ANO2: variants seen among roughly 807,000 people sequenced by gnomAD.
ANO2 encodes anoctamin 2.
ANO2 carries 101 observed loss-of-function variants against 124.2 expected under a neutral mutation model. The ratio of observed to expected loss-of-function variants is 0.81; its 90% CI spans 0.69 to 0.96. The LOEUF (loss-of-function observed/expected upper bound fraction) is 0.96, where lower values mean the gene tolerates loss of function less well. Among genes scored for constraint, ANO2 ranks in the 40% least tolerant of loss-of-function variants. The pLI, the probability that ANO2 is intolerant of heterozygous loss-of-function variation, is 0.00. For synonymous variants in ANO2, 486 were observed against 482.5 expected (o/e 1.01, Z -0.09); for missense variants, 1,293 against 1,274.5 (o/e 1.01, Z -0.22).
intron 15 of ANO2, among the ~76,000 whole-genome samples, chr12:5,645,898 T>C (rs754358347): frequency 1.3e-5 from 2 of 152,248 alleles, no homozygotes; most frequent in Non-Finnish European, 2.9e-5. Context: ...GATCCTCTTA[T>C]GTGGTGACCC....
chr12:5,587,446 T>A (rs894845043), intron 20 of ANO2, among the ~76,000 whole-genome samples: 3 of 152,332 alleles, frequency 2.0e-5, no homozygotes, highest in South Asian at 4.1e-4. Flanking sequence ...CCAGAGAACT[T>A]AAGCTTGCAG....
intron 11 of ANO2, among the ~76,000 whole-genome samples, chr12:5,745,618 G>C (rs1057165778): frequency 6.6e-6 from 1 of 152,132 alleles, no homozygotes; most frequent in African/African-American, 2.4e-5. Flanking sequence ...ATTTACTGAG[G>C]GCTGCCACTT....
chr12:5,704,173 G>A (rs879526429), intron 14 of ANO2, among the ~76,000 whole-genome samples: 7 of 152,176 alleles, frequency 4.6e-5, no homozygotes, highest in Non-Finnish European at 7.4e-5. Context: ...TAATACATTT[G>A]TAGAATTGCA....
chr12:5,838,558 G>A (rs930190582), intron 4 of ANO2, among the ~76,000 whole-genome samples: 4 of 152,154 alleles, frequency 2.6e-5, no homozygotes, highest in South Asian at 2.1e-4. Flanking sequence ...TCCTGTCTCC[G>A]AGCTGTTGTG....
chr12:5,683,143 A>C (rs746224319), intron 14 of ANO2, among the ~76,000 whole-genome samples: 5 of 152,148 alleles, frequency 3.3e-5, no homozygotes, highest in Non-Finnish European at 7.3e-5. Context: ...ATTGTAAGAC[A>C]ACCTACCTCC....
rs139270601 is a variant in ANO2, at chr12:5,563,998, T to G, written c.2728-430A>C. Among the ~76,000 whole-genome samples the G allele has an allele frequency of 4.1e-4, 62 of 152,348 alleles. No individual in the cohort carries two copies. In the East Asian group the frequency reaches 0.012, roughly 29 times the overall value. On this transcript the variant is annotated intron_variant, in intron 24 of 24. Transcript: ENST00000682330. ...TCTAGCAAGTGGTCACAAAGCCCAGTGGCTTCTCCTGGGCTGTCACGGTGC... is the reference window on the plus strand; with the variant it reads ...TCTAGCAAGTGGTCACAAAGCCCAGGGGCTTCTCCTGGGCTGTCACGGTGC...
chr12:5,648,165 A>G (rs365224), intron 14 of ANO2, among the ~76,000 whole-genome samples: 40,920 of 152,010 alleles, frequency 0.27, 6,066 homozygotes, highest in African/African-American at 0.38. Context: ...TGCCCTGCCT[A>G]CTACACAGGA....
intron 16 of ANO2, 29 bp from the exon 17 acceptor site, chr12:5,615,326 T>C (rs529727349): frequency 4.5e-6 from 7 of 1,566,732 alleles, no homozygotes; most frequent in African/African-American, 4.1e-5. Flanking sequence ...GCTGATGAGA[T>C]TGGGGTGAGA....
At chr12:5,755,700 C>A (rs1015211911) in intron 10 of ANO2, among the ~76,000 whole-genome samples, 3 of 152,126 alleles carry the variant, frequency 2.0e-5, no homozygotes, top group Admixed American at 2.0e-4. Context: ...ATGATGGTTT[C>A]CAGCTTCATC....
chr12:5,873,218 T>A (rs948341606), intron 3 of ANO2, among the ~76,000 whole-genome samples: 1 of 146,028 alleles, frequency 6.8e-6, no homozygotes, highest in Admixed American at 6.8e-5. Flanking sequence ...TCTCTCTCTC[T>A]CTCTCTCTCT....
intron 16 of ANO2, among the ~76,000 whole-genome samples, chr12:5,623,494 A>G (rs1945230890): frequency 6.6e-6 from 1 of 152,178 alleles, no homozygotes; most frequent in Admixed American, 6.5e-5. Context: ...CCTCTGCTGC[A>G]TCGTGTCATG....
chr12:5,876,528 C>T (rs1039574795), intron 3 of ANO2, among the ~76,000 whole-genome samples: 3 of 152,142 alleles, frequency 2.0e-5, no homozygotes, highest in African/African-American at 7.2e-5. Context: ...GACACATGTA[C>T]TTTTATGTTT....
chr12:5,573,904 G>T (rs969466426), intron 23 of ANO2, among the ~76,000 whole-genome samples: 10 of 152,134 alleles, frequency 6.6e-5, no homozygotes, highest in Non-Finnish European at 1.3e-4. Context: ...AGCCACCCAG[G>T]TTGGGAAAAC....
At chr12:5,763,380 A>T in intron 10 of ANO2, among the ~76,000 whole-genome samples, 1 of 152,088 alleles carries the variant, frequency 6.6e-6, no homozygotes, top group East Asian at 1.9e-4. Context: ...TGGTTATTAT[A>T]TTAAAATGGT....
chr12:5,889,087 C>T (rs1311276779), intron 3 of ANO2, among the ~76,000 whole-genome samples: 1 of 152,232 alleles, frequency 6.6e-6, no homozygotes, highest in East Asian at 1.9e-4. Context: ...CAGCTGCTGG[C>T]CCAGGTGCTA....
intron 3 of ANO2, among the ~76,000 whole-genome samples, chr12:5,911,333 T>G (rs1466185926): frequency 1.3e-5 from 2 of 152,154 alleles, no homozygotes; most frequent in Non-Finnish European, 2.9e-5. Context: ...GCAGTTGCTT[T>G]ACAGCTGCTG....
intron 10 of ANO2, among the ~76,000 whole-genome samples, chr12:5,752,261 G>A (rs1169667746): frequency 6.6e-6 from 1 of 152,136 alleles, no homozygotes; most frequent in Non-Finnish European, 1.5e-5. Context: ...GAATCAAATG[G>A]TAATTATATT....
rs61908388 is a variant in ANO2 at position 5,903,747 on chromosome 12, A to C, written c.534+17293T>G. On this transcript the variant is annotated intron_variant, in intron 3 of 24. Transcript: ENST00000682330. ...ACTGGCAGAGATGATGAGTGGTAGC[A>C]CAGATAAACCGCAGCCCTTTGGTCC... 6.4e-3 allele frequency among the ~76,000 whole-genome samples: 973 copies of C among 152,234 alleles called. 12 individuals are homozygous for C. The highest frequency in any genetic ancestry group is 0.011 in the Non-Finnish European group (744 of 68,012).
At chr12:5,901,168 C>T (rs1237839333) in intron 3 of ANO2, among the ~76,000 whole-genome samples, 3 of 152,210 alleles carry the variant, frequency 2.0e-5, no homozygotes. Context: ...TGAGCAGATT[C>T]AACCTGGAAA....
Sources: gnomAD v4.1 joint callset for allele counts (sites outside exome capture counted in the v4.1 genomes callset) on GRCh38, gnomAD v4.1.1 for gene constraint, MANE v1.5 for transcripts, NCBI Gene and HGNC (gene_info 2026-07-23, HGNC 2026-07-21) for gene names.